THSD7B: variants seen among roughly 807,000 people sequenced by gnomAD.
THSD7B encodes thrombospondin type 1 domain containing 7B, also known as thrombospondin type-1 domain-containing protein 7B.
A neutral mutation model predicts 213.6 loss-of-function variants in THSD7B; 138 were observed. That is an observed-to-expected ratio of 0.65 (90% CI 0.56 to 0.74). The LOEUF is 0.74. THSD7B is among the 30% of genes least tolerant of loss of function. THSD7B has a pLI of 0.00. For synonymous variants in THSD7B, 742 were observed against 687.0 expected (o/e 1.08, Z -1.25); for missense variants, 1,931 against 1,991.5 (o/e 0.97, Z 0.58).
intron 18 of THSD7B, 67 bp from the exon 19 acceptor site, chr2:137,618,325 G>C: frequency 2.5e-6 from 3 of 1,224,358 alleles, no homozygotes; most frequent in Non-Finnish European, 3.5e-6. Flanking sequence ...GATAATCAAA[G>C]GTCTGTTGTA....
intron 1 of THSD7B, among the ~76,000 whole-genome samples, chr2:136,791,345 T>TA (rs773072579): frequency 4.6e-5 from 7 of 151,910 alleles, no homozygotes; most frequent in Middle Eastern, 3.4e-3. Flanking sequence ...ACAGGGTTTT[T>TA]AAAAAAAATT....
intron 20 of THSD7B, among the ~76,000 whole-genome samples, chr2:137,636,135 A>T (rs1008459594): frequency 4.6e-5 from 7 of 152,224 alleles, no homozygotes; most frequent in Non-Finnish European, 1.0e-4. Context: ...CAAGCCCCTC[A>T]TAACATCAAA....
At chr2:137,542,996 G>A (rs1394942979) in intron 15 of THSD7B, among the ~76,000 whole-genome samples, 2 of 151,700 alleles carry the variant, frequency 1.3e-5, no homozygotes, top group Non-Finnish European at 1.5e-5. Flanking sequence ...GATCAAAACG[G>A]ATCTCACAGA....
intron 3 of THSD7B, among the ~76,000 whole-genome samples, chr2:137,075,562 A>T (rs1009160371): frequency 6.6e-5 from 10 of 151,904 alleles, no homozygotes; most frequent in Admixed American, 2.0e-4. Context: ...TAGTTTGATC[A>T]TCTGAAGCCT....
chr2:136,912,002 T>C (rs1684267177), intron 2 of THSD7B, among the ~76,000 whole-genome samples: 1 of 151,906 alleles, frequency 6.6e-6, no homozygotes, highest in Admixed American at 6.6e-5. Context: ...GATAGCGGAA[T>C]GCAGGAAGGG....
chr2:136,957,437 G>A (rs1324110823), intron 2 of THSD7B, among the ~76,000 whole-genome samples: 5 of 129,978 alleles, frequency 3.8e-5, no homozygotes, highest in Non-Finnish European at 7.8e-5. Flanking sequence ...CCAATACAAC[G>A]TTTTTTTTTT....
intron 2 of THSD7B, among the ~76,000 whole-genome samples, chr2:136,924,198 C>G (rs1684484401): frequency 6.6e-6 from 1 of 152,180 alleles, no homozygotes; most frequent in South Asian, 2.1e-4. Flanking sequence ...TTTCCTGCCT[C>G]AGCCTTCTGA....
Position 137,222,751 on chromosome 2 carries a change from G to A in THSD7B, c.1724-8293G>A, listed in dbSNP as rs149921233. On this transcript the variant is annotated intron_variant, in intron 7 of 27. Coordinates refer to ENST00000409968, the MANE Select transcript of THSD7B (RefSeq NM_001316349.2). Reference sequence around the variant, plus strand: ...GGTAATTCATGTGCAAGAGCCAGGCGTATAGAAGAGTGCTTTGTAAATACC... The same window carrying A: ...GGTAATTCATGTGCAAGAGCCAGGCATATAGAAGAGTGCTTTGTAAATACC... 4.2e-3 allele frequency among the ~76,000 whole-genome samples: 640 copies of A among 152,274 alleles called. 3 individuals carry two copies. Among genetic ancestry groups the A allele is most frequent in the Non-Finnish European group, 7.5e-3 (508 of 68,030 alleles).
At chr2:137,524,978 A>G (rs1452524189) in intron 15 of THSD7B, among the ~76,000 whole-genome samples, 1 of 152,204 alleles carries the variant, frequency 6.6e-6, no homozygotes, top group East Asian at 1.9e-4. Flanking sequence ...ATGGGAGACA[A>G]TAAGGAGAGG....
chr2:137,325,368 T>C (rs1468349557), intron 12 of THSD7B, among the ~76,000 whole-genome samples: 1 of 152,164 alleles, frequency 6.6e-6, no homozygotes, highest in African/African-American at 2.4e-5. Context: ...AGAACAACAG[T>C]GAAAGCAGGG....
rs181504844 is a variant in THSD7B at position 137,657,888 on chromosome 2, T to A, written c.4375+728T>A. On this transcript the variant is annotated intron_variant, in intron 24 of 27. Coordinates refer to ENST00000409968, the MANE Select transcript of THSD7B (RefSeq NM_001316349.2). ...CGCCACCACGCCCAGCTAATTTTTG[T>A]GTTTAGTACAGACAGGGTTTCACCA... Among the ~76,000 whole-genome samples the A allele has an allele frequency of 1.8e-3, 281 of 152,124 alleles. 1 individual carries two copies. Among genetic ancestry groups the A allele is most frequent in the African/African-American group, 6.6e-3 (275 of 41,526 alleles).
intron 7 of THSD7B, among the ~76,000 whole-genome samples, chr2:137,188,761 G>A (rs1175891444): frequency 1.3e-5 from 2 of 152,180 alleles, no homozygotes; most frequent in Non-Finnish European, 2.9e-5. Context: ...GCAGTCCTTA[G>A]GAGCAGCATC....
chr2:136,832,836 C>T (rs12986535), intron 1 of THSD7B, among the ~76,000 whole-genome samples: 21,056 of 152,030 alleles, frequency 0.14, 2,176 homozygotes, highest in Non-Finnish European at 0.22. Flanking sequence ...AGTAGGTGGC[C>T]GACTTGGGAT....
chr2:137,220,735 C>A (rs1347858909), intron 7 of THSD7B, among the ~76,000 whole-genome samples: 1 of 152,156 alleles, frequency 6.6e-6, no homozygotes, highest in Non-Finnish European at 1.5e-5. Flanking sequence ...TCTTGCATAG[C>A]AGCTTTATGC....
chr2:136,983,418 G>A (rs191944392), intron 2 of THSD7B, among the ~76,000 whole-genome samples: 10 of 81,212 alleles, frequency 1.2e-4, no homozygotes, highest in African/African-American at 3.4e-4. Flanking sequence ...GGAAGCAAAT[G>A]GCCAAAGGGT....
intron 2 of THSD7B, among the ~76,000 whole-genome samples, chr2:137,048,636 G>T (rs1024533040): frequency 6.6e-6 from 1 of 152,180 alleles, no homozygotes; most frequent in African/African-American, 2.4e-5. Context: ...TTTGTTTTAC[G>T]TATTTTTAAA....
chr2:137,334,226 CCTTT>C, intron 12 of THSD7B, among the ~76,000 whole-genome samples: 1 of 151,404 alleles, frequency 6.6e-6, no homozygotes, highest in Admixed American at 6.6e-5. Context: ...TTCCTTCCTT[CCTTT>C]ACCTCAATGC....
intron 10 of THSD7B, among the ~76,000 whole-genome samples, chr2:137,265,162 AT>A (rs1408763954): frequency 1.3e-5 from 2 of 152,298 alleles, no homozygotes; most frequent in Admixed American, 6.5e-5. Flanking sequence ...TGAACTAATC[AT>A]TTTTTATGGC....
intron 15 of THSD7B, among the ~76,000 whole-genome samples, chr2:137,511,290 A>G (rs1234703907): frequency 6.6e-6 from 1 of 152,020 alleles, no homozygotes; most frequent in Non-Finnish European, 1.5e-5. Context: ...AAGTCCACAC[A>G]CTCCTAGTCA....
Sources: allele counts gnomAD v4.1 joint callset (sites outside exome capture counted in the v4.1 genomes callset), GRCh38; gene constraint gnomAD v4.1.1; transcripts MANE v1.5; gene names NCBI Gene and HGNC (gene_info 2026-07-23, HGNC 2026-07-21).